CDH18: variants seen among roughly 807,000 people sequenced by gnomAD.
CDH18 encodes cadherin-18.
Under a neutral mutation model 67.9 loss-of-function variants are expected in CDH18, and 31 were observed. The observed-to-expected ratio is 0.46, with a 90% CI of 0.34 to 0.62. CDH18 has a LOEUF of 0.62. CDH18 is among the 20% of genes least tolerant of loss of function. The pLI is 0.01. For missense variants in CDH18, 890 were observed against 975.5 expected, an observed-to-expected ratio of 0.91 and a Z score of 1.17; for synonymous variants, 362 against 347.2, an observed-to-expected ratio of 1.04 and a Z score of -0.48.
At position 19,571,792 on chromosome 5, in the gene CDH18, A is replaced by G. The variant is rs1377295112; in HGVS notation, c.1040T>C (p.Ile347Thr). The G allele has an allele frequency of 1.5e-5, 24 of 1,613,630 alleles. No homozygotes were observed. The highest frequency in any genetic ancestry group is 1.9e-5 in the Non-Finnish European group (23 of 1,179,600). The change falls in exon 8 of 13, where the codon ATA becomes ACA. Residue 347 changes from isoleucine to threonine, a missense_variant. Physicochemically the swap from Ile to Thr is moderately conservative, Grantham distance 89. Transcript: ENST00000382275. Reference sequence around the variant, plus strand: ...ATCAAGATGTGTATTTGCTCCTTCTATGTTGAGGGTATATGACTTCTTTTT... The same window carrying G: ...ATCAAGATGTGTATTTGCTCCTTCTGTGTTGAGGGTATATGACTTCTTTTT... Reference protein sequence around the residue: ...YEKKKSYTLNIEGANTHLDFR... With the variant: ...YEKKKSYTLNTEGANTHLDFR...
At chr5:19,609,911 T>A (rs1748670608) in intron 6 of CDH18, among the ~76,000 whole-genome samples, 1 of 152,088 alleles carries the variant, frequency 6.6e-6, no homozygotes, top group Non-Finnish European at 1.5e-5. Flanking sequence ...GTCCTTATAT[T>A]ATTTCTTTTC....
At chr5:19,533,058 C>T (rs67673121) in intron 9 of CDH18, among the ~76,000 whole-genome samples, 15,561 of 152,062 alleles carry the variant, frequency 0.1, 1,177 homozygotes, top group African/African-American at 0.2. Context: ...AATTTGAGAG[C>T]TATCCAATCC....
At chr5:19,688,059 A>G (rs1354059953) in intron 5 of CDH18, among the ~76,000 whole-genome samples, 1 of 152,126 alleles carries the variant, frequency 6.6e-6, no homozygotes, top group Non-Finnish European at 1.5e-5. Context: ...GGCCCTACCC[A>G]GCTTACAGCA....
At chr5:19,586,791 T>G (rs1231885090) in intron 7 of CDH18, among the ~76,000 whole-genome samples, 1 of 152,150 alleles carries the variant, frequency 6.6e-6, no homozygotes, top group Non-Finnish European at 1.5e-5. Context: ...CACACTGTCT[T>G]CCAGAACGGT....
At chr5:19,924,242 A>G (rs1792839177) in intron 2 of CDH18, among the ~76,000 whole-genome samples, 1 of 152,152 alleles carries the variant, frequency 6.6e-6, no homozygotes, top group Non-Finnish European at 1.5e-5. Flanking sequence ...TAAATCAACA[A>G]TGCAGCATGC....
chr5:19,752,867 C>T (rs1771040094), intron 3 of CDH18, among the ~76,000 whole-genome samples: 1 of 152,186 alleles, frequency 6.6e-6, no homozygotes, highest in African/African-American at 2.4e-5. Context: ...TTTGTACAGA[C>T]AACACCCAGT....
chr5:19,963,034 G>C (rs1797075399), intron 2 of CDH18, among the ~76,000 whole-genome samples: 1 of 151,818 alleles, frequency 6.6e-6, no homozygotes, highest in South Asian at 2.1e-4. Flanking sequence ...GTTTAAAATT[G>C]ATCCATAATC....
At chr5:20,551,334 TG>T (rs1328123076) in intron 1 of CDH18, among the ~76,000 whole-genome samples, 2 of 152,180 alleles carry the variant, frequency 1.3e-5, no homozygotes, top group Non-Finnish European at 2.9e-5. Context: ...ACTTTTACAG[TG>T]GTGTCAAATT....
chr5:20,202,885 G>A (rs1034539545), intron 2 of CDH18, among the ~76,000 whole-genome samples: 3 of 152,046 alleles, frequency 2.0e-5, no homozygotes, highest in Non-Finnish European at 4.4e-5. Flanking sequence ...AGCATTAGAA[G>A]CAAACTGGCT....
intron 5 of CDH18, among the ~76,000 whole-genome samples, chr5:19,692,712 T>C (rs901869115): frequency 6.6e-6 from 1 of 151,944 alleles, no homozygotes; most frequent in African/African-American, 2.4e-5. Flanking sequence ...ATGGCTATTA[T>C]TAAAATGGAA....
At chr5:20,459,301 C>G (rs1446529188) in intron 1 of CDH18, among the ~76,000 whole-genome samples, 1 of 152,162 alleles carries the variant, frequency 6.6e-6, no homozygotes, top group African/African-American at 2.4e-5. Context: ...CTGTGGCCTT[C>G]CATAACACAA....
At chr5:20,151,565 T>A (rs2126570270) in intron 2 of CDH18, among the ~76,000 whole-genome samples, 1 of 152,290 alleles carries the variant, frequency 6.6e-6, no homozygotes, top group South Asian at 2.1e-4. Context: ...ACATCTAAAC[T>A]GCTTTCCACA....
At position 19,614,028 on chromosome 5, in the gene CDH18, C is replaced by A. The variant is rs116406391; in HGVS notation, c.644-1427G>T. Among the ~76,000 whole-genome samples, 637 of 152,084 alleles carry A rather than the reference C, an allele frequency of 4.2e-3. 3 individuals are homozygous for A. The highest frequency in any genetic ancestry group is 0.014 in the African/African-American group (602 of 41,540). ...GCACTTGATTAGTTACAGTACAATT[C>A]TTAAGAAGTTGTCAATTATAACTGT... On this transcript the variant is annotated intron_variant, in intron 5 of 12. Coordinates refer to ENST00000382275, the MANE Select transcript of CDH18 (RefSeq NM_004934.5).
chr5:19,716,109 G>A (rs1765309950), intron 5 of CDH18, among the ~76,000 whole-genome samples: 1 of 151,966 alleles, frequency 6.6e-6, no homozygotes, highest in African/African-American at 2.4e-5. Context: ...TTGAGTCACC[G>A]CTCCCAGCCT....
intron 2 of CDH18, among the ~76,000 whole-genome samples, chr5:20,169,192 T>C (rs1736512091): frequency 6.6e-6 from 1 of 152,124 alleles, no homozygotes; most frequent in South Asian, 2.1e-4. Flanking sequence ...TACCCCATTC[T>C]CCATGATCTG....
At chr5:19,504,812 T>C (rs189658663) in intron 10 of CDH18, among the ~76,000 whole-genome samples, 3 of 152,210 alleles carry the variant, frequency 2.0e-5, no homozygotes. Context: ...AGTGATACAT[T>C]TGCAAGTTTA....
chr5:19,779,620 C>T (rs746361028), intron 3 of CDH18, among the ~76,000 whole-genome samples: 30 of 152,066 alleles, frequency 2.0e-4, no homozygotes, highest in Non-Finnish European at 3.4e-4. Flanking sequence ...ATTCAGAATT[C>T]GCCACAGTTT....
At chr5:20,304,747 GCTGA>G (rs1368850193) in intron 1 of CDH18, 2 of 1,610,866 alleles carry the variant, frequency 1.2e-6, no homozygotes, top group African/African-American at 2.7e-5. Context: ...AAACAAAAAC[GCTGA>G]CTCTTGCTGT....
At position 19,473,355 on chromosome 5, in the gene CDH18, C is replaced by T; in HGVS notation, c.2244G>A (p.Gly748=). ...TTGCTGAATCCAGCGAGCTGATAGA[C>T]CCAGCTTCTGATCTCTGACCCTCAT... The part of the protein sequence containing the change: ...YAYEGQRSEA[G]SISSLDSATT... Residue 748 remains glycine, a synonymous_variant, in exon 13 of 13, where the codon GGG becomes GGA. Transcript: ENST00000382275. 6.2e-7 allele frequency: 1 copy of T among 1,613,760 alleles called. No homozygotes were observed. The highest frequency in any genetic ancestry group is 2.2e-5 in the East Asian group (1 of 44,880).
Sources: gnomAD v4.1 joint callset for allele counts (sites outside exome capture counted in the v4.1 genomes callset) on GRCh38, gnomAD v4.1.1 for gene constraint, MANE v1.5 for transcripts, NCBI Gene and HGNC (gene_info 2026-07-23, HGNC 2026-07-21) for gene names.